GSE1: variants seen among roughly 807,000 people sequenced by gnomAD.
GSE1 encodes genetic suppressor element 1.
Under a neutral mutation model 112.6 loss-of-function variants are expected in GSE1, and 32 were observed. The ratio of observed to expected loss-of-function variants is 0.28; its 90% CI spans 0.21 to 0.38. The LOEUF (loss-of-function observed/expected upper bound fraction) is 0.38, where lower values mean the gene tolerates loss of function less well. GSE1 is among the 10% of genes least tolerant of loss of function. GSE1 has a pLI of 1.00. For synonymous variants in GSE1, 1,115 were observed against 735.6 expected, an observed-to-expected ratio of 1.52 and a Z score of -8.35; for missense variants, 2,348 against 1,699.2, an observed-to-expected ratio of 1.38 and a Z score of -6.71.
intron 2 of GSE1, among the ~76,000 whole-genome samples, chr16:85,463,596 G>A (rs906517780): frequency 6.6e-6 from 1 of 152,178 alleles, no homozygotes; most frequent in Non-Finnish European, 1.5e-5. Flanking sequence ...TGCTTGCACA[G>A]GTGGGACCTG....
At chr16:85,334,774 A>G (rs999635829) in intron 1 of GSE1, among the ~76,000 whole-genome samples, 3 of 152,218 alleles carry the variant, frequency 2.0e-5, no homozygotes, top group African/African-American at 7.2e-5. Flanking sequence ...CAGCGTATTC[A>G]CTGCCGGTTA....
intron 1 of GSE1, among the ~76,000 whole-genome samples, chr16:85,569,227 T>C (rs2151320882): frequency 6.6e-6 from 1 of 152,362 alleles, no homozygotes; most frequent in Admixed American, 6.5e-5. Context: ...CCTAGAGCGC[T>C]GAGCCCAGGT....
At chr16:85,205,051 CTT>C (rs1201167074) in intron 1 of GSE1, among the ~76,000 whole-genome samples, 8 of 112,504 alleles carry the variant, frequency 7.1e-5, no homozygotes, top group African/African-American at 2.7e-4. Context: ...ACACGTACGT[CTT>C]GGCTCACTGG....
chr16:85,438,753 T>C (rs1291530425), intron 2 of GSE1, among the ~76,000 whole-genome samples: 7 of 152,156 alleles, frequency 4.6e-5, no homozygotes, highest in Admixed American at 3.9e-4. Flanking sequence ...AAAGTAGGTG[T>C]GAGCACCTGA....
At chr16:85,471,053 G>T (rs1293112133) in intron 2 of GSE1, among the ~76,000 whole-genome samples, 1 of 152,200 alleles carries the variant, frequency 6.6e-6, no homozygotes, top group Non-Finnish European at 1.5e-5. Flanking sequence ...GGAGGTGCCA[G>T]GCATTCTCTC....
intron 2 of GSE1, among the ~76,000 whole-genome samples, chr16:85,480,579 A>C (rs543124932): frequency 6.6e-6 from 1 of 152,276 alleles, no homozygotes; most frequent in African/African-American, 2.4e-5. Context: ...CGCCACCCAG[A>C]ACAAATCACA....
At chr16:85,194,593 T>A (rs1411044164) in intron 1 of GSE1, among the ~76,000 whole-genome samples, 1 of 152,158 alleles carries the variant, frequency 6.6e-6, no homozygotes, top group Non-Finnish European at 1.5e-5. Context: ...CCAGGAAGAC[T>A]AATGACTCGA....
At chr16:85,618,660 G>T (rs958984839) in intron 1 of GSE1, among the ~76,000 whole-genome samples, 1 of 152,250 alleles carries the variant, frequency 6.6e-6, no homozygotes, top group Non-Finnish European at 1.5e-5. Context: ...TACTCCTGTT[G>T]CTGTTGTTTT....
intron 2 of GSE1, among the ~76,000 whole-genome samples, chr16:85,449,261 C>T (rs1451872131): frequency 6.6e-6 from 1 of 152,238 alleles, no homozygotes; most frequent in Non-Finnish European, 1.5e-5. Context: ...ACATCTGAGC[C>T]ATTCAAGAGG....
chr16:85,517,410 A>C (rs576142770), intron 2 of GSE1, among the ~76,000 whole-genome samples: 4 of 152,324 alleles, frequency 2.6e-5, no homozygotes, highest in African/African-American at 9.6e-5. Context: ...GCACATAAAA[A>C]GCTTCCAGCA....
intron 1 of GSE1, among the ~76,000 whole-genome samples, chr16:85,219,129 C>T (rs2075351054): frequency 6.6e-6 from 1 of 152,174 alleles, no homozygotes; most frequent in East Asian, 1.9e-4. Flanking sequence ...CCGCCCACCT[C>T]AGCTTCCCAA....
chr16:85,225,750 C>T (rs970537401), intron 1 of GSE1, among the ~76,000 whole-genome samples: 2 of 152,222 alleles, frequency 1.3e-5, no homozygotes, highest in East Asian at 1.9e-4. Context: ...TTGCAGTATT[C>T]GTAATGTATT....
At chr16:85,448,695 G>A (rs1366602636) in intron 2 of GSE1, among the ~76,000 whole-genome samples, 1 of 152,332 alleles carries the variant, frequency 6.6e-6, no homozygotes, top group African/African-American at 2.4e-5. Flanking sequence ...GATGGAGGGG[G>A]GCTCCGGGGG....
intron 2 of GSE1, among the ~76,000 whole-genome samples, chr16:85,524,211 G>T (rs938932198): frequency 9.2e-5 from 14 of 152,148 alleles, no homozygotes; most frequent in Non-Finnish European, 2.1e-4. Context: ...CAGGTGGCCA[G>T]GTCTCTGCCC....
intron 2 of GSE1, among the ~76,000 whole-genome samples, chr16:85,472,268 C>G (rs534435112): frequency 1.3e-5 from 2 of 152,170 alleles, no homozygotes; most frequent in African/African-American, 4.8e-5. Context: ...CTTTACAGAC[C>G]AGGAGTCCAA....
In GSE1 at chr16:85,656,338, T is replaced by C. The variant is rs373251206; in HGVS notation, c.990-5T>C. On this transcript the variant is annotated splice_region_variant and splice_polypyrimidine_tract_variant and intron_variant, in intron 6 of 15. Transcript: ENST00000253458. ...AGAGCCCCCAACTCTTTCCATGTGCTGCAGGCTGCAGATGGACGAGGAGCT... is the reference window on the plus strand; with the variant it reads ...AGAGCCCCCAACTCTTTCCATGTGCCGCAGGCTGCAGATGGACGAGGAGCT... The C allele has an allele frequency of 3.4e-5, 55 of 1,610,764 alleles. No individual in the cohort carries two copies. The highest frequency in any genetic ancestry group is 4.2e-5 in the Non-Finnish European group (49 of 1,179,126).
chr16:85,654,404 C>G lies in GSE1; in HGVS notation c.553C>G (p.Leu185Val), dbSNP rs150879827. The G allele has an allele frequency of 6.4e-4, 1,019 of 1,598,746 alleles. 2 individuals are homozygous for G. Among genetic ancestry groups the G allele is most frequent in the Non-Finnish European group, 8.2e-4 (961 of 1,172,574 alleles). ...GCTCAGCACCCCCTACCCCTTCGGC[C>G]TCTCCCCCAGCTCAGTTGTGCAGGA... is the stretch of plus-strand genomic sequence containing the variant. ...HLLSTPYPFG[L>V]SPSSVVQDSR... The change falls in exon 4 of 16, where the codon CTC (leucine) becomes GTC (valine). Residue 185 changes from leucine to valine, a missense_variant. By Grantham distance (32) the Leu-to-Val change is conservative. Coordinates refer to ENST00000253458, the MANE Select transcript of GSE1 (RefSeq NM_014615.5).
chr16:85,649,866 C>G (rs529949893), intron 3 of GSE1, among the ~76,000 whole-genome samples: 1 of 152,286 alleles, frequency 6.6e-6, no homozygotes, highest in African/African-American at 2.4e-5. Flanking sequence ...ATCATCAGGG[C>G]CTGTCTGCCC....
intron 1 of GSE1, among the ~76,000 whole-genome samples, chr16:85,574,054 C>T (rs1418539816): frequency 3.9e-5 from 6 of 152,304 alleles, no homozygotes; most frequent in African/African-American, 1.4e-4. Context: ...CCGCTCCCCA[C>T]ACATGGCGGG....
Sources: gnomAD v4.1 joint callset for allele counts (sites outside exome capture counted in the v4.1 genomes callset) on GRCh38, gnomAD v4.1.1 for gene constraint, MANE v1.5 for transcripts, NCBI Gene and HGNC (gene_info 2026-07-23, HGNC 2026-07-21) for gene names.